Variants in MAGI1 observed in about 807,000 individuals in gnomAD.
MAGI1 encodes membrane-associated guanylate kinase, WW and PDZ domain-containing protein 1.
A neutral mutation model predicts 139.9 loss-of-function variants in MAGI1; 58 were observed. That is an observed-to-expected ratio of 0.41 (90% CI 0.34 to 0.52). The LOEUF is 0.52. Ranked by LOEUF, MAGI1 falls within the 20% of genes least tolerant of loss-of-function variation. MAGI1 has a pLI of 0.12. For missense variants in MAGI1, 1,874 were observed against 1,901.6 expected (o/e 0.99, Z 0.27); for synonymous variants, 812 against 737.9 (o/e 1.10, Z -1.63).
chr3:65,561,091 T>C (rs1227884795), intron 2 of MAGI1, among the ~76,000 whole-genome samples: 2 of 152,210 alleles, frequency 1.3e-5, no homozygotes, highest in African/African-American at 2.4e-5. Context: ...TAATGGACTC[T>C]GTACCTGAGG....
intron 3 of MAGI1, among the ~76,000 whole-genome samples, chr3:65,481,603 T>G (rs1414685826): frequency 6.6e-6 from 1 of 152,224 alleles, no homozygotes; most frequent in Non-Finnish European, 1.5e-5. Context: ...ATAAGAAACT[T>G]CTACTGAAAG....
intron 6 of MAGI1, among the ~76,000 whole-genome samples, chr3:65,451,284 T>C (rs1949017177): frequency 6.6e-6 from 1 of 152,202 alleles, no homozygotes; most frequent in African/African-American, 2.4e-5. Context: ...ATTCCCAGAA[T>C]AATTACAAAA....
chr3:65,743,482 C>T (rs2035441589), intron 1 of MAGI1, among the ~76,000 whole-genome samples: 1 of 151,536 alleles, frequency 6.6e-6, no homozygotes, highest in African/African-American at 2.4e-5. Context: ...CCAAGGTGGG[C>T]AGATCACCTG....
chr3:65,896,742 T>C (rs923034868), intron 1 of MAGI1, among the ~76,000 whole-genome samples: 1 of 152,132 alleles, frequency 6.6e-6, no homozygotes, highest in Non-Finnish European at 1.5e-5. Context: ...TATACATCCA[T>C]ACAATGAAAT....
At chr3:65,689,862 C>G (rs561289417) in intron 1 of MAGI1, among the ~76,000 whole-genome samples, 1 of 152,298 alleles carries the variant, frequency 6.6e-6, no homozygotes, top group East Asian at 1.9e-4. Flanking sequence ...TTTTCACAAG[C>G]CAGCAAGCTA....
intron 6 of MAGI1, 91 bp downstream of exon 6, chr3:65,453,167 G>T: frequency 9.2e-7 from 1 of 1,087,718 alleles, no homozygotes; most frequent in Non-Finnish European, 1.4e-6. Flanking sequence ...CTCAACATAA[G>T]ACCCGACTGA....
chr3:65,625,149 A>G (rs1162593669), intron 1 of MAGI1, among the ~76,000 whole-genome samples: 4 of 152,208 alleles, frequency 2.6e-5, no homozygotes, highest in African/African-American at 9.6e-5. Context: ...CTGGGATTAC[A>G]GGTGTGAGCC....
At chr3:65,916,966 C>T (rs531181384) in intron 1 of MAGI1, among the ~76,000 whole-genome samples, 1 of 152,228 alleles carries the variant, frequency 6.6e-6, no homozygotes, top group Admixed American at 6.5e-5. Flanking sequence ...AAAAAGTTAA[C>T]TTTGACTTCT....
intron 1 of MAGI1, among the ~76,000 whole-genome samples, chr3:66,018,123 G>GGGGT (rs2067764867): frequency 7.5e-6 from 1 of 133,832 alleles, no homozygotes; most frequent in East Asian, 2.9e-4. Flanking sequence ...TGGGGGGGGG[G>GGGGT]GGTGTCTGCA....
At chr3:65,700,498 T>C (rs1302370703) in intron 1 of MAGI1, among the ~76,000 whole-genome samples, 1 of 152,150 alleles carries the variant, frequency 6.6e-6, no homozygotes, top group East Asian at 1.9e-4. Flanking sequence ...CAAATTTCAT[T>C]CTACCATTTG....
chr3:65,746,870 G>A (rs2035753622), intron 1 of MAGI1, among the ~76,000 whole-genome samples: 1 of 152,200 alleles, frequency 6.6e-6, no homozygotes, highest in Admixed American at 6.5e-5. Flanking sequence ...GCAGCAAACA[G>A]AGCCCCATCT....
chr3:65,507,134 C>T (rs2077324922), intron 2 of MAGI1, among the ~76,000 whole-genome samples: 1 of 152,158 alleles, frequency 6.6e-6, no homozygotes, highest in South Asian at 2.1e-4. Context: ...AAGAAAGGTA[C>T]ACTATAGTAC....
chr3:65,516,119 T>C (rs1208852554), intron 2 of MAGI1, among the ~76,000 whole-genome samples: 3 of 152,076 alleles, frequency 2.0e-5, no homozygotes, highest in Non-Finnish European at 4.4e-5. Context: ...GGTGAGAGAA[T>C]TGCCTGAGCA....
intron 1 of MAGI1, among the ~76,000 whole-genome samples, chr3:65,819,638 G>A (rs2041821107): frequency 6.6e-6 from 1 of 151,914 alleles, no homozygotes; most frequent in East Asian, 1.9e-4. Context: ...CAGCACTTTG[G>A]GAGGCCAAGG....
intron 12 of MAGI1, among the ~76,000 whole-genome samples, chr3:65,413,020 C>T (rs1945910940): frequency 6.6e-6 from 1 of 152,120 alleles, no homozygotes; most frequent in South Asian, 2.1e-4. Flanking sequence ...ACTTTTATTA[C>T]AGCACTGGGT....
At chr3:65,542,782 CTAAAACCA>C (rs948875770) in intron 2 of MAGI1, among the ~76,000 whole-genome samples, 20 of 152,064 alleles carry the variant, frequency 1.3e-4, no homozygotes, top group African/African-American at 4.8e-4. Context: ...AACATAAGAC[CTAAAACCA>C]TAAAACCATA....
Position 65,870,597 on chromosome 3 carries a change from AGAG to A in MAGI1, c.313+167396_313+167398del, listed in dbSNP as rs564246687. ...AAATCAAGTAGAGAAGGAGGGAGGG[AGAG>A]GAGAAGGGAAGGAAGACAGAGAAAG... On this transcript the variant is annotated intron_variant, in intron 1 of 22. Transcript: ENST00000402939. Among the ~76,000 whole-genome samples the A allele has an allele frequency of 5.8e-3, 856 of 146,702 alleles. 2 individuals are homozygous for A. The highest frequency in any genetic ancestry group is 9.9e-3 in the Non-Finnish European group (662 of 66,682).
chr3:65,369,007 C>A (rs1483275851), intron 18 of MAGI1, among the ~76,000 whole-genome samples: 1 of 152,168 alleles, frequency 6.6e-6, no homozygotes, highest in Non-Finnish European at 1.5e-5. Context: ...TGTTGTTTGA[C>A]TTCTTAGATT....
intron 14 of MAGI1, among the ~76,000 whole-genome samples, chr3:65,388,714 A>G (rs1457672303): frequency 6.6e-6 from 1 of 151,924 alleles, no homozygotes; most frequent in Non-Finnish European, 1.5e-5. Context: ...GGTTGCTACT[A>G]TCTATCCGTC....
Sources: allele counts gnomAD v4.1 joint callset (sites outside exome capture counted in the v4.1 genomes callset), GRCh38; gene constraint gnomAD v4.1.1; transcripts MANE v1.5; gene names NCBI Gene and HGNC (gene_info 2026-07-23, HGNC 2026-07-21).